Variants in ARID3A observed in about 807,000 individuals in gnomAD.
ARID3A encodes the protein AT-rich interactive domain-containing protein 3A.
A neutral mutation model predicts 52.7 loss-of-function variants in ARID3A; 11 were observed. The ratio of observed to expected loss-of-function variants is 0.21; its 90% CI spans 0.13 to 0.35. The LOEUF is 0.35. ARID3A is among the 10% of genes least tolerant of loss of function. The pLI is 1.00. For synonymous variants in ARID3A, 404 were observed against 359.4 expected (o/e 1.12, Z -1.40); for missense variants, 721 against 838.5 (o/e 0.86, Z 1.73).
upstream of ARID3A, chr19:925,881 C>T (rs1438038649): frequency 6.6e-6 from 1 of 151,764 alleles, no homozygotes; most frequent in Non-Finnish European, 1.5e-5. Flanking sequence ...CCTGGCGAGG[C>T]CCTCCCGCGC....
Position 929,638 on chromosome 19 carries a change from G to T in ARID3A, c.110G>T (p.Gly37Val), listed in dbSNP as rs2037275166. Reference sequence around the variant, plus strand: ...CCCGATCCCCCTGCTGCACCCCCCGGCCGGGCCCGGGCTGCCCCCGACGAG... The same window carrying T: ...CCCGATCCCCCTGCTGCACCCCCCGTCCGGGCCCGGGCTGCCCCCGACGAG... ...LPPDPPAAPP[G>V]RARAAPDEDR... The change falls in exon 2 of 9, where the codon GGC becomes GTC. Residue 37 changes from glycine (G) to valine (V), a missense_variant. By Grantham distance (109) the Gly-to-Val change is moderately radical. Transcript: ENST00000263620. This position sits in a 1 kb window ranked among gnomAD's most constrained non-coding sequence, Gnocchi z 6.2. 5 of 1,529,426 alleles carry T rather than the reference G, an allele frequency of 3.3e-6. No homozygotes were observed. The highest frequency in any genetic ancestry group is 4.4e-6 in the Non-Finnish European group (5 of 1,144,692). The allele number at this position is 1,529,426 out of a possible 1,614,324, so 94.7% of individuals were successfully genotyped here. A position where few individuals can be genotyped will look rare whatever the true frequency, so the allele number is the denominator to read the frequency against.
At position 938,819 on chromosome 19, in the gene ARID3A, C is replaced by T. The variant is rs1428341199; in HGVS notation, c.693+6077C>T. Among the ~76,000 whole-genome samples, 4 of 152,108 alleles carry T rather than the reference C, an allele frequency of 2.6e-5. No individual in the cohort carries two copies. The highest frequency in any genetic ancestry group is 6.5e-5 in the Admixed American group (1 of 15,268). On this transcript the variant is annotated intron_variant, in intron 3 of 8. Transcript: ENST00000263620. This position sits in a 1 kb window ranked among gnomAD's most constrained non-coding sequence, Gnocchi z 4.0. ...TGCCAGGCAGCTCTCGGGAGTGAAG[C>T]GAGACCCCAGCAAGAAACGGGCATC...
intron 3 of ARID3A, among the ~76,000 whole-genome samples, chr19:951,585 C>T (rs759833165): frequency 1.2e-4 from 18 of 151,908 alleles, no homozygotes; most frequent in Admixed American, 2.6e-4. Context: ...GACTAAAGAA[C>T]CAAACCTCAG....
At chr19:946,004 C>T (rs2145401044) in intron 3 of ARID3A, among the ~76,000 whole-genome samples, 1 of 152,252 alleles carries the variant, frequency 6.6e-6, no homozygotes, top group South Asian at 2.1e-4. Flanking sequence ...GGGCAAAGTG[C>T]TTGGACCCTG....
At chr19:967,193 G>C (rs2038177782) in intron 7 of ARID3A, among the ~76,000 whole-genome samples, 1 of 151,896 alleles carries the variant, frequency 6.6e-6, no homozygotes, top group Non-Finnish European at 1.5e-5. Flanking sequence ...GGGAGATGGA[G>C]GTTGCAGTGA....
rs369232179 is a variant in ARID3A, at chr19:960,202, C to T, written c.766+38C>T. The T allele has an allele frequency of 3.2e-6, 5 of 1,573,268 alleles. No individual in the cohort carries two copies. Among genetic ancestry groups the T allele is most frequent in the East Asian group, 2.3e-5 (1 of 43,026 alleles). On this transcript the variant is annotated intron_variant, in intron 4 of 8. Transcript: ENST00000263620. This position sits in a 1 kb window ranked among gnomAD's most constrained non-coding sequence, Gnocchi z 4.3. ...CCCCCACCCCGCTGGAGGGAGGTCA[C>T]AGAAACAGGGCTGTAGGAGGGGCCC...
At chr19:957,497 C>T (rs1200973200) in intron 3 of ARID3A, among the ~76,000 whole-genome samples, 4 of 152,292 alleles carry the variant, frequency 2.6e-5, no homozygotes, top group East Asian at 1.9e-4. Context: ...ATTTTTGCAG[C>T]GATTTGCTGT....
intron 1 of ARID3A, among the ~76,000 whole-genome samples, chr19:927,750 C>G (rs1157863996): frequency 6.6e-6 from 1 of 152,156 alleles, no homozygotes; most frequent in Admixed American, 6.5e-5. Flanking sequence ...CCCTGGTGGC[C>G]TCCGGACCGC....
chr19:943,684 C>T (rs1341004073), intron 3 of ARID3A, among the ~76,000 whole-genome samples: 2 of 152,198 alleles, frequency 1.3e-5, no homozygotes, highest in Non-Finnish European at 2.9e-5. Flanking sequence ...ACACCTGGAG[C>T]CCCCAGAAGC....
In ARID3A at chr19:964,239, T is replaced by C; in HGVS notation, c.767-9T>C. ...TGGCCCCCAACCTCCCTCTCGCCCC[T>C]TCCCCCAGGGACACCTGTGAACCGC... On this transcript the variant is annotated splice_polypyrimidine_tract_variant and intron_variant, in intron 4 of 8. Transcript: ENST00000263620. This position sits in a 1 kb window ranked among gnomAD's most constrained non-coding sequence, Gnocchi z 5.7. The C allele has an allele frequency of 6.2e-7, 1 of 1,605,570 alleles. No individual in the cohort carries two copies. Among genetic ancestry groups the C allele is most frequent in the Non-Finnish European group, 8.5e-7 (1 of 1,173,638 alleles).
At chr19:957,066 A>G (rs2037935328) in intron 3 of ARID3A, among the ~76,000 whole-genome samples, 3 of 151,922 alleles carry the variant, frequency 2.0e-5, no homozygotes. Context: ...CCGCTTTCTA[A>G]TTATCCCTGC....
In ARID3A at chr19:966,655, G is replaced by T. The variant is rs750690353; in HGVS notation, c.1282G>T (p.Ala428Ser). ...AGHPVVAAQA[A>S]AVQAAAAQAA... Reference sequence around the variant, plus strand: ...CCACCCTGTGGTGGCAGCCCAGGCAGCAGCTGTGCAAGCAGCAGCCGCCCA... The same window carrying T: ...CCACCCTGTGGTGGCAGCCCAGGCATCAGCTGTGCAAGCAGCAGCCGCCCA... Residue 428 changes from alanine (A) to serine (S), a missense_variant, in exon 7 of 9, where the codon GCA becomes TCA. Coordinates refer to ENST00000263620, the MANE Select transcript of ARID3A (RefSeq NM_005224.3). The T allele has an allele frequency of 1.9e-6, 3 of 1,607,950 alleles. No individual in the cohort carries two copies. Among genetic ancestry groups the T allele is most frequent in the Non-Finnish European group, 2.6e-6 (3 of 1,176,244 alleles).
chr19:961,132 G>A (rs558144137), intron 4 of ARID3A, among the ~76,000 whole-genome samples: 2 of 152,188 alleles, frequency 1.3e-5, no homozygotes, highest in South Asian at 2.1e-4. Flanking sequence ...CTGTTCAGAC[G>A]GGGGAGGAGG....
At chr19:928,569 C>T (rs2037249122) in intron 1 of ARID3A, 1 of 152,222 alleles carries the variant, frequency 6.6e-6, no homozygotes, top group Non-Finnish European at 1.5e-5. Context: ...TGTCTCCAAG[C>T]AGAGGATCCC....
chr19:932,328 G>T (rs1264796631), intron 2 of ARID3A, 90 bp from the exon 3 acceptor site: 1 of 1,556,014 alleles, frequency 6.4e-7, no homozygotes, highest in Non-Finnish European at 8.6e-7. Context: ...TCCAGAGAGG[G>T]AAACTGAGGC....
chr19:933,888 C>G (rs1354378035), intron 3 of ARID3A, among the ~76,000 whole-genome samples: 4 of 148,230 alleles, frequency 2.7e-5, no homozygotes. Context: ...TGCTCTGTGA[C>G]TCAGTTTCCC....
intron 1 of ARID3A, among the ~76,000 whole-genome samples, chr19:927,779 A>G (rs754340083): frequency 6.6e-6 from 1 of 152,154 alleles, no homozygotes; most frequent in South Asian, 2.1e-4. Flanking sequence ...CCTGGTCACA[A>G]CCCAGCGCTA....
chr19:930,273 C>T (rs532399355), intron 2 of ARID3A, among the ~76,000 whole-genome samples: 142 of 151,876 alleles, frequency 9.3e-4, no homozygotes, highest in Non-Finnish European at 1.7e-3. Flanking sequence ...TTTTTTTAGC[C>T]GGGTGCTGTG....
At chr19:935,544 C>G (rs1448036957) in intron 3 of ARID3A, among the ~76,000 whole-genome samples, 1 of 152,128 alleles carries the variant, frequency 6.6e-6, no homozygotes, top group African/African-American at 2.4e-5. Context: ...GTGGTGCTGT[C>G]CTAACTCACT....
Sources: gnomAD v4.1 joint callset for allele counts (sites outside exome capture counted in the v4.1 genomes callset) on GRCh38, gnomAD v4.1.1 for gene constraint, Gnocchi (gnomAD v3.1) non-coding constraint, MANE v1.5 for transcripts, NCBI Gene and HGNC (gene_info 2026-07-23, HGNC 2026-07-21) for gene names.